The following RIMKLB variants were observed in gnomAD, a reference collection of about 807,000 sequenced individuals.
RIMKLB encodes the protein beta-citrylglutamate synthase B.
In RIMKLB, 7 loss-of-function variants were observed where a neutral mutation model predicts 32.0. The ratio of observed to expected loss-of-function variants is 0.22; its 90% CI spans 0.12 to 0.41. RIMKLB has a LOEUF of 0.41. Ranked by LOEUF, RIMKLB falls within the 10% of genes least tolerant of loss-of-function variation. The pLI is 1.00. For missense variants in RIMKLB, 289 were observed against 498.7 expected (o/e 0.58, Z 4.00); for synonymous variants, 172 against 185.1 (o/e 0.93, Z 0.57).
At chr12:8,672,632 CT>C in the RIMKLB span, among the ~76,000 whole-genome samples, 1 of 152,042 alleles carries the variant, frequency 6.6e-6, no homozygotes, top group African/African-American at 2.4e-5. Context: ...TTACCTCCCC[CT>C]GAGTCCCTCC....
At chr12:8,729,540 AGT>A (rs1225712351) in intron 2 of RIMKLB, among the ~76,000 whole-genome samples, 1 of 151,754 alleles carries the variant, frequency 6.6e-6, no homozygotes, top group Non-Finnish European at 1.5e-5. Flanking sequence ...CAAGATGGAG[AGT>A]GGGGAGGGGC....
At chr12:8,718,127 C>T (rs1227377891) in intron 2 of RIMKLB, among the ~76,000 whole-genome samples, 1 of 150,270 alleles carries the variant, frequency 6.7e-6, no homozygotes, top group African/African-American at 2.4e-5. Flanking sequence ...ACTGTGCCAG[C>T]TATTCCATTT....
At chr12:8,689,754 G>A (rs778688203) in intron 1 of RIMKLB, among the ~76,000 whole-genome samples, 3 of 152,106 alleles carry the variant, frequency 2.0e-5, no homozygotes, top group Non-Finnish European at 4.4e-5. Context: ...TGGTGGTGAT[G>A]CGGAGGTGGG....
chr12:8,718,426 G>A lies in RIMKLB; in HGVS notation c.175+4385G>A, dbSNP rs564709349. 3.9e-4 allele frequency among the ~76,000 whole-genome samples: 59 copies of A among 152,210 alleles called. No homozygotes were observed. The South Asian group carries it at 0.011, about 29-fold the overall frequency. On this transcript the variant is annotated intron_variant, in intron 2 of 5. Transcript: ENST00000535829. ...TTTGGGAATCCGAGGCCGGCAGATC[G>A]CGAGGTCAGGAGATCGAGGCCATCC...
intron 1 of RIMKLB, among the ~76,000 whole-genome samples, chr12:8,698,793 G>A (rs1224792405): frequency 1.3e-5 from 2 of 151,810 alleles, no homozygotes; most frequent in Non-Finnish European, 2.9e-5. Flanking sequence ...TCGATTCCAC[G>A]TTTTCCTCCT....
the RIMKLB span, among the ~76,000 whole-genome samples, chr12:8,675,935 C>T: frequency 2.9e-4 from 44 of 151,890 alleles, no homozygotes; most frequent in Non-Finnish European, 4.9e-4. Context: ...TCCCTGACGT[C>T]GTTAAATTTT....
chr12:8,704,971 A>AACACACACACACACACACACACACAC lies in RIMKLB; in HGVS notation c.-57+6678_-57+6703dup, dbSNP rs3076182. On this transcript the variant is annotated intron_variant, in intron 1 of 5. Coordinates refer to ENST00000535829, the MANE Select transcript of RIMKLB (RefSeq NM_001297776.2). ...GTGCAGAGCAAGACCTCACCTCTAAAACACACACACACACACACACACACA... is the reference window on the plus strand; with the variant it reads ...GTGCAGAGCAAGACCTCACCTCTAAAACACACACACACACACACACACACACACACACACACACACACACACACACA... 7.6e-4 allele frequency among the ~76,000 whole-genome samples: 112 copies of AACACACACACACACACACACACACAC among 146,662 alleles called. 1 individual carries two copies. Among genetic ancestry groups the AACACACACACACACACACACACACAC allele is most frequent in the African/African-American group, 2.6e-3 (101 of 39,372 alleles).
chr12:8,718,668 T>TGTGG (rs1388267847), intron 2 of RIMKLB, among the ~76,000 whole-genome samples: 1 of 66,710 alleles, frequency 1.5e-5, no homozygotes. Context: ...TATATATATA[T>TGTGG]ATGTGTGTGT....
the RIMKLB span, among the ~76,000 whole-genome samples, chr12:8,676,526 G>A: frequency 6.7e-6 from 1 of 148,614 alleles, no homozygotes; most frequent in African/African-American, 2.5e-5. Flanking sequence ...AGCCTCCTGA[G>A]TAGCCAGGAC....
At chr12:8,706,302 G>A (rs746651953) in intron 1 of RIMKLB, among the ~76,000 whole-genome samples, 1 of 152,016 alleles carries the variant, frequency 6.6e-6, no homozygotes, top group East Asian at 1.9e-4. Context: ...ACCATGCCTA[G>A]CTAATTTTTG....
chr12:8,778,366 A>C (rs184438532), downstream of RIMKLB, among the ~76,000 whole-genome samples: 1 of 152,366 alleles, frequency 6.6e-6, no homozygotes, highest in East Asian at 1.9e-4. Flanking sequence ...TAATACAAAA[A>C]AATTTAGTTC....
chr12:8,716,431 CTTTTTTTTTT>C (rs11307521), intron 2 of RIMKLB, among the ~76,000 whole-genome samples: 24 of 81,676 alleles, frequency 2.9e-4, no homozygotes, highest in African/African-American at 9.3e-4. Context: ...ATTAACATGT[CTTTTTTTTTT>C]TTTTTTTTTT....
chr12:8,777,234 T>TC, downstream of RIMKLB: 1 of 973,238 alleles, frequency 1.0e-6, no homozygotes, highest in Non-Finnish European at 1.2e-6. Flanking sequence ...TTTTTTTTTT[T>TC]TTTTTTCTTC....
intron 2 of RIMKLB, among the ~76,000 whole-genome samples, chr12:8,727,661 G>A (rs1350287757): frequency 5.3e-5 from 8 of 152,134 alleles, no homozygotes; most frequent in Non-Finnish European, 8.8e-5. Context: ...CACTTCGGCA[G>A]GCTGAGGCGG....
At chr12:8,742,486 TC>T (rs1947650936) in intron 2 of RIMKLB, 1 of 420,672 alleles carries the variant, frequency 2.4e-6, no homozygotes, top group Admixed American at 2.6e-5. Flanking sequence ...GTCCTCAAGT[TC>T]CTTGCAGCAG....
At chr12:8,777,215 CTTTTT>C (rs35828763), downstream of RIMKLB, 299 of 703,700 alleles carry the variant, frequency 4.2e-4, no homozygotes, top group Middle Eastern at 1.6e-3. Flanking sequence ...TGCTTGCTTT[CTTTTT>C]TTTTTTTTTT....
chr12:8,722,354 T>C (rs1945535704), intron 2 of RIMKLB, among the ~76,000 whole-genome samples: 1 of 152,076 alleles, frequency 6.6e-6, no homozygotes, highest in African/African-American at 2.4e-5. Flanking sequence ...CATCAGTGAG[T>C]AGTAATATTT....
chr12:8,753,983 T>G lies in RIMKLB; in HGVS notation c.587T>G (p.Val196Gly). The change falls in exon 5 of 6, where the codon GTT becomes GGT. Residue 196 changes from valine to glycine, a missense_variant. This residue lies in a region of RIMKLB where 156 missense variants were observed against 329.5 expected (regional missense o/e 0.47). Coordinates refer to ENST00000535829, the MANE Select transcript of RIMKLB (RefSeq NM_001297776.2). Reference protein sequence around the residue: ...HEAPYLFQKYVKESHGRDVRV... With the variant: ...HEAPYLFQKYGKESHGRDVRV... ...GCGCCATACCTGTTCCAGAAGTATG[T>G]TAAAGAGTCTCATGGACGGGATGTA... The G allele has an allele frequency of 1.2e-6, 2 of 1,613,960 alleles. No individual in the cohort carries two copies. The highest frequency in any genetic ancestry group is 1.7e-6 in the Non-Finnish European group (2 of 1,179,840).
chr12:8,782,336 T>C (rs1447100053), intron 7 of RIMKLB, among the ~76,000 whole-genome samples: 1 of 151,650 alleles, frequency 6.6e-6, no homozygotes, highest in Non-Finnish European at 1.5e-5. Context: ...CTGACTAAAA[T>C]GCAGCATAAT....
Sources: gnomAD v4.1 joint callset for allele counts (sites outside exome capture counted in the v4.1 genomes callset) on GRCh38, gnomAD v4.1.1 for gene constraint, gnomAD v4.1.1 regional missense constraint, MANE v1.5 for transcripts, NCBI Gene and HGNC (gene_info 2026-07-23, HGNC 2026-07-21) for gene names.